Variants in ANKFN1 observed in about 807,000 individuals in gnomAD.
The protein encoded by ANKFN1 is ankyrin repeat and fibronectin type-III domain-containing protein 1.
A neutral mutation model predicts 108.7 loss-of-function variants in ANKFN1; 74 were observed. The ratio of observed to expected loss-of-function variants is 0.68; its 90% CI spans 0.56 to 0.83. ANKFN1 has a LOEUF of 0.83. Among genes scored for constraint, ANKFN1 ranks in the 40% least tolerant of loss-of-function variants. ANKFN1 has a pLI of 0.00. For synonymous variants in ANKFN1, 547 were observed against 516.2 expected, an observed-to-expected ratio of 1.06 and a Z score of -0.81; for missense variants, 1,505 against 1,382.3, an observed-to-expected ratio of 1.09 and a Z score of -1.41.
chr17:56,318,022 T>A (rs9896941), intron 3 of ANKFN1, among the ~76,000 whole-genome samples: 2,785 of 152,292 alleles, frequency 0.018, 88 homozygotes, highest in African/African-American at 0.061. Flanking sequence ...CTTGTTCAGC[T>A]CTTTAGTGCA....
At chr17:56,088,802 G>A (rs546873077) in intron 4 of ANKFN1, among the ~76,000 whole-genome samples, 2 of 151,336 alleles carry the variant, frequency 1.3e-5, no homozygotes, top group African/African-American at 2.4e-5. Context: ...CTTGAGAAGA[G>A]GAATGATAAC....
intron 4 of ANKFN1, among the ~76,000 whole-genome samples, chr17:56,142,308 G>C (rs1477411895): frequency 6.6e-6 from 1 of 152,120 alleles, no homozygotes; most frequent in Non-Finnish European, 1.5e-5. Context: ...TGATAATTTT[G>C]TCAACTGGGT....
rs151151278 is a variant in ANKFN1 at position 56,516,148 on chromosome 17, A to G, written c.*4879A>G. 6.6e-6 allele frequency among the ~76,000 whole-genome samples: 1 copy of G among 152,212 alleles called. No homozygotes were observed. Among genetic ancestry groups the G allele is most frequent in the Admixed American group, 6.5e-5 (1 of 15,278 alleles). On this transcript the variant is annotated 3_prime_UTR_variant, in exon 21 of 21. Coordinates refer to ENST00000682825, the MANE Select transcript of ANKFN1 (RefSeq NM_001370326.1). ...AAAGCCAAGTGTGGCAAATTATAGTAAGTCACTCTGAGTCGCTGTATTGCC... is the reference window on the plus strand; with the variant it reads ...AAAGCCAAGTGTGGCAAATTATAGTGAGTCACTCTGAGTCGCTGTATTGCC...
intron 3 of ANKFN1, among the ~76,000 whole-genome samples, chr17:56,299,248 G>A (rs2044604518): frequency 6.6e-6 from 1 of 152,080 alleles, no homozygotes; most frequent in African/African-American, 2.4e-5. Context: ...ATTTGCCTGG[G>A]TCAAAGCTGC....
At chr17:56,175,386 A>G (rs1455715785) in intron 1 of ANKFN1, among the ~76,000 whole-genome samples, 4 of 152,216 alleles carry the variant, frequency 2.6e-5, no homozygotes, top group Admixed American at 2.6e-4. Flanking sequence ...ACTGGTTGGG[A>G]GTGAAGACAC....
chr17:56,339,425 C>G (rs1032769297), intron 4 of ANKFN1, among the ~76,000 whole-genome samples: 2 of 150,430 alleles, frequency 1.3e-5, no homozygotes. Flanking sequence ...AGCCTAGTAC[C>G]CATTAGTTGT....
Position 56,089,004 on chromosome 17 carries a change from C to G in ANKFN1, c.288+42679C>G, listed in dbSNP as rs534270050. ...TCTCCTTAGAATGTAGGATGCTTAG[C>G]ATTTGTTCTCATCTTTGGATTGTAA... On this transcript the variant is annotated intron_variant, in intron 4 of 12. Transcript: ENST00000635860. Among the ~76,000 whole-genome samples the G allele has an allele frequency of 6.0e-5, 9 of 151,008 alleles. No individual in the cohort carries two copies. In the East Asian group the frequency reaches 1.7e-3, roughly 29 times the overall value.
At chr17:56,251,903 A>G (rs1051210962) in intron 3 of ANKFN1, among the ~76,000 whole-genome samples, 4 of 152,200 alleles carry the variant, frequency 2.6e-5, no homozygotes, top group African/African-American at 9.7e-5. Context: ...CCTTCTATCT[A>G]TTTAGTAAAT....
intron 4 of ANKFN1, among the ~76,000 whole-genome samples, chr17:56,075,279 T>G (rs886730050): frequency 6.6e-6 from 1 of 152,182 alleles, no homozygotes; most frequent in African/African-American, 2.4e-5. Flanking sequence ...CTCTGTACAG[T>G]GGAACTAACG....
chr17:56,208,875 ATT>A, intron 1 of ANKFN1, among the ~76,000 whole-genome samples: 1 of 151,396 alleles, frequency 6.6e-6, no homozygotes, highest in Non-Finnish European at 1.5e-5. Context: ...TGCCTCTTTT[ATT>A]TTATTATTAT....
At chr17:56,352,505 T>A (rs2046272545) in intron 5 of ANKFN1, among the ~76,000 whole-genome samples, 1 of 152,214 alleles carries the variant, frequency 6.6e-6, no homozygotes, top group Non-Finnish European at 1.5e-5. Context: ...GATAGATGTG[T>A]AAATAATACG....
At chr17:56,344,856 C>T (rs542879875) in intron 4 of ANKFN1, among the ~76,000 whole-genome samples, 4 of 151,936 alleles carry the variant, frequency 2.6e-5, no homozygotes, top group African/African-American at 9.6e-5. Flanking sequence ...TGACAGGCTA[C>T]TGTTTTTTTG....
intron 4 of ANKFN1, among the ~76,000 whole-genome samples, chr17:56,068,185 G>A (rs539109279): frequency 2.0e-5 from 3 of 152,192 alleles, no homozygotes; most frequent in East Asian, 1.9e-4. Context: ...TAGTTCAAAG[G>A]TCACCCCTCT....
At chr17:56,236,368 G>C (rs573633893) in intron 3 of ANKFN1, among the ~76,000 whole-genome samples, 2 of 151,996 alleles carry the variant, frequency 1.3e-5, no homozygotes, top group Non-Finnish European at 2.9e-5. Flanking sequence ...TGATTTCTTT[G>C]AACAATGCTT....
chr17:56,467,766 AG>A (rs2050133679), intron 15 of ANKFN1, among the ~76,000 whole-genome samples: 1 of 34,636 alleles, frequency 2.9e-5, no homozygotes, highest in Admixed American at 4.3e-4. Context: ...AAAGAAAGAA[AG>A]AAAGAAAGAA....
intron 4 of ANKFN1, among the ~76,000 whole-genome samples, chr17:56,077,660 A>C (rs1375886908): frequency 1.3e-5 from 2 of 152,162 alleles, no homozygotes; most frequent in Non-Finnish European, 1.5e-5. Context: ...CAACTTTGAC[A>C]AGTAACTCAA....
rs1555607728 is a variant in ANKFN1, at chr17:56,189,179, T to TTTTGTTTTG, written c.-70-23416_-70-23415insGTTTTGTTT. Among the ~76,000 whole-genome samples the TTTTGTTTTG allele has an allele frequency of 6.5e-4, 72 of 111,378 alleles. 7 individuals are homozygous for TTTTGTTTTG. Among genetic ancestry groups the TTTTGTTTTG allele is most frequent in the African/African-American group, 3.2e-3 (66 of 20,398 alleles). 73.1% of individuals were successfully genotyped at this position (111,378 alleles called of 152,430 possible). A position where few individuals can be genotyped will look rare whatever the true frequency, so the allele number is the denominator to read the frequency against. ...GTAAATGTTGCCCTGACTTTTTTTT[T>TTTTGTTTTG]TTTTTTTTTGAGACGGAGTCTCGCT... On this transcript the variant is annotated intron_variant, in intron 1 of 20. Coordinates refer to ENST00000682825, the MANE Select transcript of ANKFN1 (RefSeq NM_001370326.1).
intron 20 of ANKFN1, among the ~76,000 whole-genome samples, chr17:56,503,201 G>A (rs2051433093): frequency 2.0e-5 from 3 of 151,858 alleles, no homozygotes; most frequent in South Asian, 4.2e-4. Context: ...GAGGGGAGGG[G>A]GGTGTTGTTT....
At chr17:56,094,879 A>G (rs1905504850) in intron 4 of ANKFN1, among the ~76,000 whole-genome samples, 1 of 150,804 alleles carries the variant, frequency 6.6e-6, no homozygotes, top group Non-Finnish European at 1.5e-5. Context: ...GAGACTGTGC[A>G]CGTAAGCTAT....
Sources: gnomAD v4.1 joint callset for allele counts (sites outside exome capture counted in the v4.1 genomes callset) on GRCh38, gnomAD v4.1.1 for gene constraint, MANE v1.5 for transcripts, NCBI Gene and HGNC (gene_info 2026-07-23, HGNC 2026-07-21) for gene names.